SPTBN5: variants seen among roughly 807,000 people sequenced by gnomAD.
SPTBN5 encodes spectrin beta, non-erythrocytic 5, also known as spectrin beta chain, non-erythrocytic 5.
SPTBN5 carries 513 observed loss-of-function variants against 477.6 expected under a neutral mutation model. The ratio of observed to expected loss-of-function variants is 1.07; its 90% CI spans 1.00 to 1.16. The LOEUF (loss-of-function observed/expected upper bound fraction) is 1.16, where lower values mean the gene tolerates loss of function less well. Ranked by LOEUF, SPTBN5 falls within the 50% of genes most tolerant of loss-of-function variation. SPTBN5 has a pLI of 0.00. For missense variants in SPTBN5, 5,062 were observed against 4,731.8 expected, an observed-to-expected ratio of 1.07 and a Z score of -2.05; for synonymous variants, 2,169 against 2,011.7, an observed-to-expected ratio of 1.08 and a Z score of -2.09.
At position 41,848,574 on chromosome 15, in the gene SPTBN5, T is replaced by G; in HGVS notation, c.*42A>C. 1 of 1,613,422 alleles carries G rather than the reference T, an allele frequency of 6.2e-7. No homozygotes were observed. The highest frequency in any genetic ancestry group is 8.5e-7 in the Non-Finnish European group (1 of 1,179,366). ...TTATTCTGGTCCCTTAGATGTGTCC[T>G]CGCTTGTGCCCCTGAAGTTTGGTGT... is the stretch of plus-strand genomic sequence containing the variant. On this transcript the variant is annotated 3_prime_UTR_variant, in exon 68 of 68. Coordinates refer to ENST00000320955, the MANE Select transcript of SPTBN5 (RefSeq NM_016642.4).
At chr15:41,871,668 A>T in intron 28 of SPTBN5, 114 bp downstream of exon 28, 1 of 1,423,702 alleles carries the variant, frequency 7.0e-7, no homozygotes, top group Non-Finnish European at 9.2e-7. Context: ...GCCCCACCTC[A>T]GCCAGGGCTC....
intron 35 of SPTBN5, 81 bp downstream of exon 35, chr15:41,867,457 A>G: frequency 7.4e-7 from 1 of 1,354,662 alleles, no homozygotes; most frequent in East Asian, 2.3e-5. Flanking sequence ...CCAGGAACAC[A>G]CCAAGCGCCC....
At position 41,852,196 on chromosome 15, in the gene SPTBN5, T is replaced by A. The variant is rs1300719620; in HGVS notation, c.10570A>T (p.Thr3524Ser). Residue 3524 changes from threonine to serine, a missense_variant, in exon 62 of 68, where the codon ACG becomes TCG. Transcript: ENST00000320955. ...GGGACACCTGCCTGGGGGTCCCTCGTCTCAGCCAGCTGTGCTCCTAGCCCC... is the reference window on the plus strand; with the variant it reads ...GGGACACCTGCCTGGGGGTCCCTCGACTCAGCCAGCTGTGCTCCTAGCCCC... ...HQGLGAQLAE[T>S]RDPQDAKGTP... 3.1e-6 allele frequency: 5 copies of A among 1,597,234 alleles called. No homozygotes were observed. The highest frequency in any genetic ancestry group is 4.3e-6 in the Non-Finnish European group (5 of 1,168,830).
rs1365117827 is a variant in SPTBN5 at position 41,877,134 on chromosome 15, C to T, written c.3693G>A (p.Leu1231=). 8.1e-6 allele frequency: 13 copies of T among 1,613,780 alleles called. No homozygotes were observed. Among genetic ancestry groups the T allele is most frequent in the Non-Finnish European group, 1.0e-5 (12 of 1,179,868 alleles). Residue 1231 remains leucine, a synonymous_variant, in exon 18 of 68, where the codon CTG becomes CTA. Coordinates refer to ENST00000320955, the MANE Select transcript of SPTBN5 (RefSeq NM_016642.4). ...TATCANHQAW[L]HLDNLGEDVR... is the part of the protein sequence containing the mutation. ...TCCATACCCCAAGGTTGTCCAGGTG[C>T]AGCCAGGCCTGGTGGTTGGCACAGG...
Position 41,875,569 on chromosome 15 carries a change from G to A in SPTBN5, c.4176C>T (p.Thr1392=). The change falls in exon 22 of 68, where the codon ACC becomes ACT. Residue 1392 remains threonine, a synonymous_variant. Coordinates refer to ENST00000320955, the MANE Select transcript of SPTBN5 (RefSeq NM_016642.4). ...RRPCGQEDIQ[T]RLQGLRSKWE... ...ACTTGCTTCTCAGGCCTTGAAGCCT[G>A]GTCTGTATGTCCTCCTGGCCACAGG... The A allele has an allele frequency of 6.2e-7, 1 of 1,607,832 alleles. No individual in the cohort carries two copies. The highest frequency in any genetic ancestry group is 8.5e-7 in the Non-Finnish European group (1 of 1,177,254).
chr15:41,870,005 C>T lies in SPTBN5; in HGVS notation c.5689G>A (p.Glu1897Lys), dbSNP rs1289402245. Residue 1897 changes from glutamate to lysine, a missense_variant, in exon 32 of 68, where the codon GAG becomes AAG. Physicochemically the swap from Glu to Lys is moderately conservative, Grantham distance 56. Transcript: ENST00000320955. ...AGCTTCTGCACCCTGCCTGCAGTCT[C>T]CAGCAGTTCCTGCAGCTGCGGGAGG... The part of the protein sequence containing the change: ...GTERQLQELL[E>K]TAGRVQKLCP... 2 of 1,502,232 alleles carry T rather than the reference C, an allele frequency of 1.3e-6. No individual in the cohort carries two copies. The highest frequency in any genetic ancestry group is 1.8e-6 in the Non-Finnish European group (2 of 1,124,164). 93.1% of individuals were successfully genotyped at this position (1,502,232 alleles called of 1,614,324 possible). A position where few individuals can be genotyped will look rare whatever the true frequency, so the allele number is the denominator to read the frequency against.
At chr15:41,889,404 G>A (rs1406802554) in intron 4 of SPTBN5, among the ~76,000 whole-genome samples, 1 of 152,028 alleles carries the variant, frequency 6.6e-6, no homozygotes, top group Non-Finnish European at 1.5e-5. Context: ...CTATGAAAAA[G>A]TATAACTATA....
rs368720228 is a variant in SPTBN5, at chr15:41,861,830, G to A, written c.7642C>T (p.Arg2548Cys). 7.8e-5 allele frequency: 125 copies of A among 1,603,782 alleles called. 1 individual carries two copies. Among genetic ancestry groups the A allele is most frequent in the African/African-American group, 1.2e-4 (9 of 74,844 alleles). ...TAGHPFSSDI[R>C]QVLAGLEQEL... ...TGTTCTAAGCCAGCCAGCACCTGGCGAATGTCGGAGCTGAAGGGGTGCCCC... is the reference window on the plus strand; with the variant it reads ...TGTTCTAAGCCAGCCAGCACCTGGCAAATGTCGGAGCTGAAGGGGTGCCCC... The change falls in exon 45 of 68, where the codon CGC (arginine) becomes TGC (cysteine). Residue 2548 changes from arginine (R) to cysteine (C), a missense_variant. By Grantham distance (180) the Arg-to-Cys change is radical. Coordinates refer to ENST00000320955, the MANE Select transcript of SPTBN5 (RefSeq NM_016642.4).
intron 60 of SPTBN5, 44 bp downstream of exon 60, chr15:41,852,780 G>A (rs748967223): frequency 1.2e-5 from 17 of 1,472,762 alleles, no homozygotes; most frequent in Admixed American, 1.7e-5. Context: ...GGGGGGGGGG[G>A]CCCAGAGCCT....
intron 66 of SPTBN5, 171 bp downstream of exon 66, chr15:41,850,678 AGTTGC>A (rs2065722688): frequency 6.5e-6 from 4 of 616,986 alleles, no homozygotes; most frequent in Non-Finnish European, 1.1e-5. Flanking sequence ...ATCTTGGGCA[AGTTGC>A]GTAACCTCTC....
At chr15:41,868,681 C>A in intron 32 of SPTBN5, 80 bp from the exon 33 acceptor site, 2 of 1,444,602 alleles carry the variant, frequency 1.4e-6, no homozygotes, top group South Asian at 1.2e-5. Flanking sequence ...GCAACTGCAG[C>A]CCACCTGAGT....
intron 14 of SPTBN5, 33 bp downstream of exon 14, chr15:41,880,127 C>A: frequency 6.5e-7 from 1 of 1,549,614 alleles, no homozygotes; most frequent in Non-Finnish European, 8.7e-7. Flanking sequence ...AGGGGCAAGG[C>A]GAGGAGGAGG....
intron 4 of SPTBN5, 110 bp from the exon 5 acceptor site, chr15:41,888,195 G>T: frequency 1.8e-6 from 2 of 1,129,784 alleles, no homozygotes; most frequent in Non-Finnish European, 2.5e-6. Context: ...GCTCCTCCCT[G>T]GCCCGGGGCC....
intron 24 of SPTBN5, 71 bp downstream of exon 24, chr15:41,874,221 G>C (rs2066640330): frequency 1.9e-6 from 3 of 1,546,576 alleles, no homozygotes; most frequent in Admixed American, 1.8e-5. Flanking sequence ...GGACACCTGA[G>C]TAGGGGCAGA....
At chr15:41,868,676 T>C (rs2066425172) in intron 32 of SPTBN5, 75 bp from the exon 33 acceptor site, 1 of 1,484,000 alleles carries the variant, frequency 6.7e-7, no homozygotes, top group Admixed American at 1.7e-5. Context: ...CTGAGGCAAC[T>C]GCAGCCCACC....
In SPTBN5 at chr15:41,882,704, C is replaced by G; in HGVS notation, c.1927G>C (p.Glu643Gln). 1.2e-6 allele frequency: 2 copies of G among 1,609,884 alleles called. No individual in the cohort carries two copies. The highest frequency in any genetic ancestry group is 1.7e-6 in the Non-Finnish European group (2 of 1,178,462). ...ALLEQTLQRA[E>Q]FLRNCEEEEA... Reference sequence around the variant, plus strand: ...TCCTCCTCACAGTTGCGCAGGAACTCTGCCCGCTGCAGGGTCTGCTCCAGC... The same window carrying G: ...TCCTCCTCACAGTTGCGCAGGAACTGTGCCCGCTGCAGGGTCTGCTCCAGC... Residue 643 changes from glutamate to glutamine, a missense_variant, in exon 10 of 68, where the codon GAG (glutamate) becomes CAG (glutamine). Coordinates refer to ENST00000320955, the MANE Select transcript of SPTBN5 (RefSeq NM_016642.4).
intron 14 of SPTBN5, 79 bp from the exon 15 acceptor site, chr15:41,879,943 G>C (rs2066890831): frequency 6.4e-7 from 1 of 1,570,350 alleles, no homozygotes; most frequent in Non-Finnish European, 8.7e-7. Flanking sequence ...ACGGACCTGA[G>C]TGGTGCTCTC....
At chr15:41,852,545 G>A in intron 61 of SPTBN5, 89 bp downstream of exon 61, 2 of 1,431,548 alleles carry the variant, frequency 1.4e-6, no homozygotes, top group Admixed American at 1.7e-5. Flanking sequence ...GGCCGGGTGA[G>A]GGCTCAGTGC....
intron 6 of SPTBN5, 139 bp from the exon 7 acceptor site, chr15:41,886,505 A>C (rs1013051467): frequency 3.1e-6 from 3 of 976,214 alleles, no homozygotes; most frequent in East Asian, 2.7e-5. Flanking sequence ...TGGTACCCCC[A>C]CCCCAGAGAA....
Sources: allele counts gnomAD v4.1 joint callset (sites outside exome capture counted in the v4.1 genomes callset), GRCh38; gene constraint gnomAD v4.1.1; transcripts MANE v1.5; gene names NCBI Gene and HGNC (gene_info 2026-07-23, HGNC 2026-07-21).